The following MCPH1 variants were observed in gnomAD, a reference collection of about 807,000 sequenced individuals.
MCPH1 encodes microcephalin 1.
Under a neutral mutation model 84.5 loss-of-function variants are expected in MCPH1, and 104 were observed. The ratio of observed to expected loss-of-function variants is 1.23; its 90% CI spans 1.05 to 1.45. The LOEUF (loss-of-function observed/expected upper bound fraction) is 1.45, where lower values mean the gene tolerates loss of function less well. Ranked by LOEUF, MCPH1 falls within the 40% of genes most tolerant of loss-of-function variation. MCPH1 has a pLI of 0.00. For missense variants in MCPH1, 1,498 were observed against 1,005.7 expected (o/e 1.49, Z -6.62); for synonymous variants, 514 against 366.8 (o/e 1.40, Z -4.58).
intron 3 of MCPH1, among the ~76,000 whole-genome samples, chr8:6,430,634 A>T (rs1361347130): frequency 6.6e-6 from 1 of 152,150 alleles, no homozygotes; most frequent in Non-Finnish European, 1.5e-5. Flanking sequence ...TTATTTTTTC[A>T]AATAACTGTT....
intron 12 of MCPH1, among the ~76,000 whole-genome samples, chr8:6,598,728 G>T: frequency 6.6e-6 from 1 of 152,356 alleles, no homozygotes; most frequent in Non-Finnish European, 1.5e-5. Context: ...GTGAGGAAGC[G>T]CAGTGCGGCT....
At chr8:6,598,930 C>T (rs1302900326) in intron 12 of MCPH1, among the ~76,000 whole-genome samples, 2 of 152,238 alleles carry the variant, frequency 1.3e-5, no homozygotes, top group Non-Finnish European at 2.9e-5. Context: ...TGTGCACACA[C>T]GCACATGCAG....
chr8:6,466,866 G>A (rs140200354), intron 9 of MCPH1, among the ~76,000 whole-genome samples: 12 of 152,332 alleles, frequency 7.9e-5, no homozygotes, highest in Non-Finnish European at 1.2e-4. Flanking sequence ...TTGAGCCAAC[G>A]CGCCCTGCCC....
At chr8:6,464,703 G>T (rs1806659301) in intron 9 of MCPH1, among the ~76,000 whole-genome samples, 1 of 152,186 alleles carries the variant, frequency 6.6e-6, no homozygotes, top group South Asian at 2.1e-4. Context: ...GTCTATTTAA[G>T]ATCTGCTGCT....
intron 12 of MCPH1, chr8:6,562,627 C>T (rs751169324): frequency 1.5e-6 from 2 of 1,291,356 alleles, no homozygotes; most frequent in Admixed American, 4.3e-5. Context: ...TTCACAAAGA[C>T]AGATGGATTT....
chr8:6,450,026 A>G (rs1282091487), intron 8 of MCPH1, among the ~76,000 whole-genome samples: 3 of 152,082 alleles, frequency 2.0e-5, no homozygotes, highest in South Asian at 4.2e-4. Context: ...CCACTTGTCC[A>G]TGGGTTTGAT....
At chr8:6,564,229 G>C (rs1028669321) in intron 12 of MCPH1, among the ~76,000 whole-genome samples, 11 of 152,096 alleles carry the variant, frequency 7.2e-5, no homozygotes, top group African/African-American at 2.7e-4. Flanking sequence ...ACTCGCCTTT[G>C]GCCTCCCAAA....
chr8:6,466,022 T>C (rs904143070), intron 9 of MCPH1, among the ~76,000 whole-genome samples: 1 of 152,052 alleles, frequency 6.6e-6, no homozygotes, highest in Non-Finnish European at 1.5e-5. Context: ...TGGCGCTATC[T>C]TGGCTCACTG....
intron 12 of MCPH1, among the ~76,000 whole-genome samples, chr8:6,591,486 T>G (rs916413868): frequency 6.6e-6 from 1 of 152,196 alleles, no homozygotes; most frequent in Non-Finnish European, 1.5e-5. Flanking sequence ...GAATGAATGG[T>G]CAGTGGAACA....
chr8:6,526,517 G>A (rs866899101), intron 12 of MCPH1, among the ~76,000 whole-genome samples: 27 of 151,976 alleles, frequency 1.8e-4, no homozygotes, highest in Non-Finnish European at 1.3e-4. Flanking sequence ...TTTACTGTTT[G>A]TAGAGGAGAA....
intron 12 of MCPH1, among the ~76,000 whole-genome samples, chr8:6,611,933 T>G (rs1563187798): frequency 6.6e-6 from 1 of 152,202 alleles, no homozygotes; most frequent in South Asian, 2.1e-4. Context: ...TCGGGATTTT[T>G]AAGGAGCTTC....
At chr8:6,612,794 C>T (rs963435236) in intron 12 of MCPH1, among the ~76,000 whole-genome samples, 3 of 152,222 alleles carry the variant, frequency 2.0e-5, no homozygotes, top group Non-Finnish European at 4.4e-5. Flanking sequence ...GACTGAGAAC[C>T]GCCTGTGAAC....
intron 9 of MCPH1, among the ~76,000 whole-genome samples, chr8:6,457,511 G>C (rs541811882): frequency 6.6e-6 from 1 of 151,756 alleles, no homozygotes; most frequent in East Asian, 1.9e-4. Flanking sequence ...AGACTGAGGT[G>C]GGAGAATCAC....
intron 12 of MCPH1, among the ~76,000 whole-genome samples, chr8:6,574,811 A>G (rs915911609): frequency 6.6e-6 from 1 of 152,190 alleles, no homozygotes; most frequent in African/African-American, 2.4e-5. Flanking sequence ...TGTCTGACAA[A>G]GTCCATCCAA....
At chr8:6,417,935 G>T (rs899134715) in intron 3 of MCPH1, among the ~76,000 whole-genome samples, 1 of 152,208 alleles carries the variant, frequency 6.6e-6, no homozygotes, top group Non-Finnish European at 1.5e-5. Context: ...AGAGCATGAG[G>T]TTTTTGTTTT....
rs1824324214 is a variant in MCPH1, at chr8:6,554,928, GAA to G, written c.2214+55001_2214+55002del. Among the ~76,000 whole-genome samples the G allele has an allele frequency of 2.0e-5, 3 of 152,204 alleles. No homozygotes were observed. In the South Asian group the frequency reaches 6.2e-4, roughly 31 times the overall value. On this transcript the variant is annotated intron_variant, in intron 12 of 13. Coordinates refer to ENST00000344683, the MANE Select transcript of MCPH1 (RefSeq NM_024596.5). ...TGCAAGGAAGGATTAGGACAGAAAAGAAAGGTGATTTCATGGAGAAATATCTA... is the reference window on the plus strand; with the variant it reads ...TGCAAGGAAGGATTAGGACAGAAAAGAGGTGATTTCATGGAGAAATATCTA...
At chr8:6,497,497 C>T (rs1811376031) in intron 11 of MCPH1, among the ~76,000 whole-genome samples, 1 of 151,700 alleles carries the variant, frequency 6.6e-6, no homozygotes, top group Non-Finnish European at 1.5e-5. Context: ...GGAAGACTGT[C>T]TAAAAAAAAT....
intron 12 of MCPH1, among the ~76,000 whole-genome samples, chr8:6,512,940 G>C (rs1017704110): frequency 1.2e-4 from 18 of 152,326 alleles, no homozygotes; most frequent in African/African-American, 4.3e-4. Flanking sequence ...CTTTGAGATT[G>C]AAGACAATTG....
At chr8:6,469,806 T>A (rs1293504134) in intron 9 of MCPH1, among the ~76,000 whole-genome samples, 2 of 152,226 alleles carry the variant, frequency 1.3e-5, no homozygotes, top group African/African-American at 4.8e-5. Flanking sequence ...ATTTCCCAAA[T>A]AATCATGCAT....
Sources: allele counts gnomAD v4.1 joint callset (sites outside exome capture counted in the v4.1 genomes callset), GRCh38; gene constraint gnomAD v4.1.1; transcripts MANE v1.5; gene names NCBI Gene and HGNC (gene_info 2026-07-23, HGNC 2026-07-21).